OR9Q1: variants seen among roughly 807,000 people sequenced by gnomAD.
OR9Q1 encodes olfactory receptor family 9 subfamily Q member 1.
For missense variants in OR9Q1, 374 were observed against 378.8 expected (o/e 0.99, Z 0.11); for synonymous variants, 153 against 148.6 (o/e 1.03, Z -0.22).
At chr11:58,147,061 C>T (rs1854305711) in intron 2 of OR9Q1, among the ~76,000 whole-genome samples, 1 of 152,140 alleles carries the variant, frequency 6.6e-6, no homozygotes, top group Non-Finnish European at 1.5e-5. Flanking sequence ...ACCACTTTGT[C>T]TATGAAACAA....
At chr11:58,167,383 G>C (rs1854515414) in intron 2 of OR9Q1, among the ~76,000 whole-genome samples, 1 of 151,712 alleles carries the variant, frequency 6.6e-6, no homozygotes, top group African/African-American at 2.4e-5. Flanking sequence ...GGTTTATTTT[G>C]GTATCTGATA....
intron 2 of OR9Q1, among the ~76,000 whole-genome samples, chr11:58,088,654 C>G (rs1390835073): frequency 6.7e-6 from 1 of 150,166 alleles, no homozygotes; most frequent in African/African-American, 2.4e-5. Flanking sequence ...CCTTCACCCA[C>G]TTTTTGATGG....
chr11:58,146,952 A>C (rs1262581822), intron 2 of OR9Q1, among the ~76,000 whole-genome samples: 1 of 152,198 alleles, frequency 6.6e-6, no homozygotes, highest in Non-Finnish European at 1.5e-5. Context: ...TCAAAAGTAG[A>C]GTGCGAAATG....
chr11:58,099,884 T>C (rs1332789784), intron 2 of OR9Q1, among the ~76,000 whole-genome samples: 1 of 152,196 alleles, frequency 6.6e-6, no homozygotes, highest in African/African-American at 2.4e-5. Flanking sequence ...GTTTGAATCA[T>C]TTTTTAAAAT....
intron 2 of OR9Q1, among the ~76,000 whole-genome samples, chr11:58,080,231 G>T (rs544127770): frequency 6.6e-6 from 1 of 152,216 alleles, no homozygotes; most frequent in South Asian, 2.1e-4. Flanking sequence ...TTATGCATGA[G>T]AATATGTGGT....
chr11:58,095,041 GA>G (rs1227581340), intron 2 of OR9Q1, among the ~76,000 whole-genome samples: 1 of 152,192 alleles, frequency 6.6e-6, no homozygotes, highest in African/African-American at 2.4e-5. Context: ...TACTGCTATT[GA>G]GAGTATTTAT....
chr11:58,133,516 C>G (rs1854162737), intron 2 of OR9Q1, among the ~76,000 whole-genome samples: 1 of 152,212 alleles, frequency 6.6e-6, no homozygotes, highest in Non-Finnish European at 1.5e-5. Flanking sequence ...ACTTTCGCTT[C>G]TCCCTTGCAA....
chr11:58,065,180 T>G (rs1853417165), intron 2 of OR9Q1, among the ~76,000 whole-genome samples: 1 of 152,098 alleles, frequency 6.6e-6, no homozygotes, highest in African/African-American at 2.4e-5. Context: ...GTTATTCAGA[T>G]GCAGAAACAG....
Position 58,159,898 on chromosome 11 carries a change from G to A in OR9Q1, c.-14-19533G>A, listed in dbSNP as rs116730453. On this transcript the variant is annotated intron_variant, in intron 2 of 2. Transcript: ENST00000335397. ...CAATAAGATATTGATAGATGCCTCC[G>A]TCAAGAGATGGGGTCTATGATCTTT... Among the ~76,000 whole-genome samples, 1,070 of 152,290 alleles carry A rather than the reference G, an allele frequency of 7.0e-3. 10 individuals are homozygous for A. Among genetic ancestry groups the A allele is most frequent in the African/African-American group, 0.019 (775 of 41,566 alleles).
chr11:58,174,994 T>C (rs1457782540), intron 2 of OR9Q1, among the ~76,000 whole-genome samples: 5 of 148,158 alleles, frequency 3.4e-5, no homozygotes, highest in African/African-American at 1.0e-4. Context: ...TAATCCCAGC[T>C]ACTAGGGTGG....
chr11:58,164,791 G>A (rs1038471101), intron 2 of OR9Q1, among the ~76,000 whole-genome samples: 2 of 152,076 alleles, frequency 1.3e-5, no homozygotes, highest in African/African-American at 2.4e-5. Flanking sequence ...TTCCTTGGTC[G>A]CATGCTTGTT....
intron 2 of OR9Q1, among the ~76,000 whole-genome samples, chr11:58,100,967 G>A (rs981179280): frequency 6.6e-6 from 1 of 152,044 alleles, no homozygotes; most frequent in African/African-American, 2.4e-5. Context: ...TAAAAAATTG[G>A]TATCATGGAG....
At chr11:58,154,052 A>G (rs1854380002) in intron 2 of OR9Q1, among the ~76,000 whole-genome samples, 1 of 151,824 alleles carries the variant, frequency 6.6e-6, no homozygotes, top group South Asian at 2.1e-4. Context: ...GTGACAATGG[A>G]GAGAGACAGA....
At chr11:58,137,788 T>C (rs1347235537) in intron 2 of OR9Q1, among the ~76,000 whole-genome samples, 1 of 152,142 alleles carries the variant, frequency 6.6e-6, no homozygotes, top group African/African-American at 2.4e-5. Flanking sequence ...AGGAAAAATA[T>C]GTCCTGTGTT....
Position 58,180,790 on chromosome 11 carries a change from C to T in OR9Q1, c.*413C>T. Reference sequence around the variant, plus strand: ...TAATTGCTAATATTTGCTGTCTTTACTTGGTTACATAGATGTAATCTATCC... The same window carrying T: ...TAATTGCTAATATTTGCTGTCTTTATTTGGTTACATAGATGTAATCTATCC... On this transcript the variant is annotated 3_prime_UTR_variant, in exon 3 of 3. Transcript: ENST00000335397. 5.8e-6 allele frequency: 1 copy of T among 171,840 alleles called. No homozygotes were observed. Among genetic ancestry groups the T allele is most frequent in the East Asian group, 1.9e-4 (1 of 5,274 alleles). 10.6% of individuals were successfully genotyped at this position (171,840 alleles called of 1,614,324 possible).
intron 1 of OR9Q1, among the ~76,000 whole-genome samples, chr11:58,055,218 C>T (rs1301452171): frequency 6.6e-6 from 1 of 152,008 alleles, no homozygotes; most frequent in Non-Finnish European, 1.5e-5. Flanking sequence ...TGCATTAATA[C>T]ATAAAAGTGC....
chr11:58,052,788 G>A (rs1230939280), intron 1 of OR9Q1, among the ~76,000 whole-genome samples: 1 of 150,686 alleles, frequency 6.6e-6, no homozygotes, highest in Non-Finnish European at 1.5e-5. Flanking sequence ...AGTGGGCGAA[G>A]GACATGAACA....
At chr11:58,046,669 C>G (rs1853219605) in intron 1 of OR9Q1, among the ~76,000 whole-genome samples, 2 of 152,072 alleles carry the variant, frequency 1.3e-5, no homozygotes, top group South Asian at 4.2e-4. Flanking sequence ...TGAGACCGAC[C>G]TGGCCAACAT....
At chr11:58,029,134 T>A (rs1853003776) in intron 1 of OR9Q1, among the ~76,000 whole-genome samples, 1 of 152,174 alleles carries the variant, frequency 6.6e-6, no homozygotes, top group Non-Finnish European at 1.5e-5. Context: ...GCTCACAGAT[T>A]TTTAATTTGG....
Sources: allele counts gnomAD v4.1 joint callset (sites outside exome capture counted in the v4.1 genomes callset), GRCh38; gene constraint gnomAD v4.1.1; transcripts MANE v1.5; gene names NCBI Gene and HGNC (gene_info 2026-07-23, HGNC 2026-07-21).